Variants in LRRC55 observed in about 807,000 individuals in gnomAD.
LRRC55 encodes leucine-rich repeat-containing protein 55.
In LRRC55, 11 loss-of-function variants were observed where a neutral mutation model predicts 20.5. That is an observed-to-expected ratio of 0.54 (90% CI 0.34 to 0.89). LRRC55 has a LOEUF of 0.89. Ranked by LOEUF, LRRC55 falls within the 40% of genes least tolerant of loss-of-function variation. The probability of loss-of-function intolerance (pLI) is 0.02; values close to 1 mark genes in which losing one functional copy is unlikely to be tolerated. For synonymous variants in LRRC55, 188 were observed against 166.6 expected, an observed-to-expected ratio of 1.13 and a Z score of -0.99; for missense variants, 358 against 390.9, an observed-to-expected ratio of 0.92 and a Z score of 0.71.
At chr11:57,186,205 G>A (rs949459856) in intron 1 of LRRC55, among the ~76,000 whole-genome samples, 6 of 152,064 alleles carry the variant, frequency 3.9e-5, no homozygotes, top group Non-Finnish European at 7.4e-5. Context: ...AATAGCTCTG[G>A]AACCCATACT....
chr11:57,187,049 C>T (rs181753370), intron 1 of LRRC55, among the ~76,000 whole-genome samples, 196 bp from the exon 2 acceptor site: 55 of 152,348 alleles, frequency 3.6e-4, no homozygotes, highest in Non-Finnish European at 7.3e-4. Context: ...GTACTTTCCA[C>T]ATCTATAGAA....
chr11:57,182,241 C>T lies in LRRC55; in HGVS notation c.219C>T (p.Ala73=). The T allele has an allele frequency of 6.2e-7, 1 of 1,614,162 alleles. No homozygotes were observed. The highest frequency in any genetic ancestry group is 8.5e-7 in the Non-Finnish European group (1 of 1,180,022). ...TGGACACCCGAAACCTCAGCCTGGC[C>T]CACAACCGCATCACAGCAGTGCCGC... ...LPMDTRNLSL[A]HNRITAVPPG... Residue 73 remains alanine (A), a synonymous_variant, in exon 1 of 2, where the codon GCC becomes GCT. Transcript: ENST00000497933.
intron 1 of LRRC55, among the ~76,000 whole-genome samples, chr11:57,185,770 C>T (rs1170440448): frequency 6.6e-6 from 1 of 152,116 alleles, no homozygotes; most frequent in Non-Finnish European, 1.5e-5. Flanking sequence ...TGCACACTAC[C>T]TTTACTTCCC....
Position 57,187,922 on chromosome 11 carries a change from C to A in LRRC55, c.*442C>A. 1 of 260,518 alleles carries A rather than the reference C, an allele frequency of 3.8e-6. No individual in the cohort carries two copies. The highest frequency in any genetic ancestry group is 7.4e-6 in the Non-Finnish European group (1 of 134,294). 16.1% of individuals were successfully genotyped at this position (260,518 alleles called of 1,614,324 possible). A position where few individuals can be genotyped will look rare whatever the true frequency, so the allele number is the denominator to read the frequency against. On this transcript the variant is annotated 3_prime_UTR_variant, in exon 2 of 2. Coordinates refer to ENST00000497933, the MANE Select transcript of LRRC55 (RefSeq NM_001005210.4). The stretch of plus-strand genomic sequence containing the variant: ...AAGGGTGTCTGCACATGGCAGAGGC[C>A]AGAATATGCATAGTGTGCTGTGTTG...
chr11:57,187,097 GAA>G, intron 1 of LRRC55, 146 bp from the exon 2 acceptor site: 1 of 730,340 alleles, frequency 1.4e-6, no homozygotes, highest in East Asian at 2.6e-5. Flanking sequence ...GTTGTTGAGG[GAA>G]CTAAAGGAGT....
Position 57,182,053 on chromosome 11 carries a change from C to T in LRRC55, c.31C>T (p.Pro11Ser). The T allele has an allele frequency of 1.2e-6, 2 of 1,614,180 alleles. No homozygotes were observed. Among genetic ancestry groups the T allele is most frequent in the Non-Finnish European group, 1.7e-6 (2 of 1,180,014 alleles). The change falls in exon 1 of 2, where the codon CCC becomes TCC. Residue 11 changes from proline to serine, a missense_variant. Pro to Ser is a moderately conservative substitution (Grantham distance 74). Around this residue, in one of 3 missense-constraint regions of LRRC55, gnomAD observed 175 missense variants for 164.5 expected, o/e 1.06. Transcript: ENST00000497933. ...TGACACTTGGGCCCAGCTTCCCTGG[C>T]CCGGGCCACCCCACCCAGCAATGCT... Reference protein sequence around the residue: MGDTWAQLPWPGPPHPAMLLI... With the variant: MGDTWAQLPWSGPPHPAMLLI...
intron 1 of LRRC55, among the ~76,000 whole-genome samples, chr11:57,186,163 C>T (rs547882855): frequency 3.3e-5 from 5 of 152,178 alleles, no homozygotes; most frequent in African/African-American, 9.6e-5. Flanking sequence ...ATGCAACTAG[C>T]AAGGGGTGAA....
chr11:57,190,123 A>G lies in LRRC55; in HGVS notation c.*2643A>G, dbSNP rs964166279. ...TCCTGACAAAATAGAAAAGTTTCCC[A>G]TAGGGGCATACCATAATACTATAAT... On this transcript the variant is annotated 3_prime_UTR_variant, in exon 2 of 2. Transcript: ENST00000497933. 1 of 152,256 alleles carries G rather than the reference A, an allele frequency of 6.6e-6. No homozygotes were observed. Among genetic ancestry groups the G allele is most frequent in the African/African-American group, 2.4e-5 (1 of 41,468 alleles). 9.4% of individuals were successfully genotyped at this position (152,256 alleles called of 1,614,324 possible).
Position 57,182,197 on chromosome 11 carries a change from G to C in LRRC55, c.175G>C (p.Val59Leu). ...TTGTAGCAGCCAGCGGCTATTCTCC[G>C]TGCCCCCAGACCTGCCAATGGACAC... ...VDCSSQRLFSVPPDLPMDTRN... is the reference protein window; with the variant it reads ...VDCSSQRLFSLPPDLPMDTRN... Residue 59 changes from valine (V) to leucine (L), a missense_variant, in exon 1 of 2, where the codon GTG becomes CTG. Val to Leu is a conservative substitution (Grantham distance 32, BLOSUM62 1). Transcript: ENST00000497933. 6.2e-7 allele frequency: 1 copy of C among 1,614,120 alleles called. No homozygotes were observed. The highest frequency in any genetic ancestry group is 1.1e-5 in the South Asian group (1 of 91,076).
At position 57,188,662 on chromosome 11, in the gene LRRC55, A is replaced by C. The variant is rs1029562527; in HGVS notation, c.*1182A>C. The C allele has an allele frequency of 2.6e-5, 4 of 152,226 alleles. No individual in the cohort carries two copies. The highest frequency in any genetic ancestry group is 9.6e-5 in the African/African-American group (4 of 41,452). 9.4% of individuals were successfully genotyped at this position (152,226 alleles called of 1,614,324 possible). On this transcript the variant is annotated 3_prime_UTR_variant, in exon 2 of 2. Transcript: ENST00000497933. ...ACTAAGGCTCAGAGAGGTTAAAGTC[A>C]CATGCCACTATGAGCAAGATAAAGT...
rs1037565576 is a variant in LRRC55 at position 57,188,467 on chromosome 11, T to G, written c.*987T>G. 6.6e-5 allele frequency: 10 copies of G among 152,312 alleles called. No homozygotes were observed. Among genetic ancestry groups the G allele is most frequent in the Admixed American group, 1.3e-4 (2 of 15,280 alleles). The allele number at this position is 152,312 out of a possible 1,614,324, so 9.4% of individuals were successfully genotyped here. On this transcript the variant is annotated 3_prime_UTR_variant, in exon 2 of 2. Coordinates refer to ENST00000497933, the MANE Select transcript of LRRC55 (RefSeq NM_001005210.4). ...GACCATATGAGGCTTTGCATTTTCTTCTAAGCAACTTACCCACGTTAAGCA... is the reference window on the plus strand; with the variant it reads ...GACCATATGAGGCTTTGCATTTTCTGCTAAGCAACTTACCCACGTTAAGCA...
Position 57,182,047 on chromosome 11 carries a change from C to A in LRRC55, c.25C>A (p.Pro9Thr), listed in dbSNP as rs528637562. 2 of 1,614,198 alleles carry A rather than the reference C, an allele frequency of 1.2e-6. No homozygotes were observed. The highest frequency in any genetic ancestry group is 2.2e-5 in the South Asian group (2 of 91,076). The change falls in exon 1 of 2, where the codon CCC (proline) becomes ACC (threonine). Residue 9 changes from proline to threonine, a missense_variant. Physicochemically the swap from Pro to Thr is conservative, Grantham distance 38 (BLOSUM62 -1). This residue lies in a region of LRRC55 where 175 missense variants were observed against 164.5 expected (regional missense o/e 1.06). Coordinates refer to ENST00000497933, the MANE Select transcript of LRRC55 (RefSeq NM_001005210.4). ...GATGGGTGACACTTGGGCCCAGCTT[C>A]CCTGGCCCGGGCCACCCCACCCAGC... The part of the protein sequence containing the change: MGDTWAQL[P>T]WPGPPHPAML...
At chr11:57,184,349 G>A (rs1042429818) in intron 1 of LRRC55, among the ~76,000 whole-genome samples, 3 of 152,184 alleles carry the variant, frequency 2.0e-5, no homozygotes, top group African/African-American at 7.2e-5. Flanking sequence ...CTCTGAAGAA[G>A]CTCAGACTCC....
At position 57,187,297 on chromosome 11, in the gene LRRC55, C is replaced by T. The variant is rs140001064; in HGVS notation, c.714C>T (p.Leu238=). 278 of 1,614,174 alleles carry T rather than the reference C, an allele frequency of 1.7e-4. No individual in the cohort carries two copies. In the African/African-American group the frequency reaches 3.5e-3, roughly 20 times the overall value. The change falls in exon 2 of 2, where the codon CTC becomes CTT. Residue 238 remains leucine, a synonymous_variant. Coordinates refer to ENST00000497933, the MANE Select transcript of LRRC55 (RefSeq NM_001005210.4). The part of the protein sequence containing the change: ...RGPPEVEGAP[L]FSLTEESFKA... The stretch of plus-strand genomic sequence containing the variant: ...CTCCTGAAGTCGAGGGCGCCCCGCT[C>T]TTCTCACTCACTGAGGAGAGCTTCA...
Position 57,182,047 on chromosome 11 carries a change from C to T in LRRC55, c.25C>T (p.Pro9Ser), listed in dbSNP as rs528637562. 1 of 1,614,080 alleles carries T rather than the reference C, an allele frequency of 6.2e-7. No individual in the cohort carries two copies. The highest frequency in any genetic ancestry group is 8.5e-7 in the Non-Finnish European group (1 of 1,180,046). MGDTWAQL[P>S]WPGPPHPAML... The stretch of plus-strand genomic sequence containing the variant: ...GATGGGTGACACTTGGGCCCAGCTT[C>T]CCTGGCCCGGGCCACCCCACCCAGC... The change falls in exon 1 of 2, where the codon CCC becomes TCC. Residue 9 changes from proline to serine, a missense_variant. By Grantham distance (74) the Pro-to-Ser change is moderately conservative. Transcript: ENST00000497933.
chr11:57,182,094 C>T lies in LRRC55; in HGVS notation c.72C>T (p.Leu24=). ...PHPAMLLISL[L]LAAGLMHSDA... ...CAGCAATGCTGCTGATCTCCCTCCT[C>T]TTGGCAGCCGGGTTGATGCACTCGG... is the stretch of plus-strand genomic sequence containing the variant. Residue 24 remains leucine (L), a synonymous_variant, in exon 1 of 2, where the codon CTC becomes CTT. Transcript: ENST00000497933. 6.2e-7 allele frequency: 1 copy of T among 1,614,190 alleles called. No individual in the cohort carries two copies. The highest frequency in any genetic ancestry group is 8.5e-7 in the Non-Finnish European group (1 of 1,180,030).
rs116764976 is a variant in LRRC55, at chr11:57,182,601, C to T, written c.579C>T (p.Ile193=). The T allele has an allele frequency of 1.0e-3, 1,551 of 1,528,436 alleles. 10 individuals are homozygous for T. The African/African-American group carries it at 0.018, about 18-fold the overall frequency. 94.7% of individuals were successfully genotyped at this position (1,528,436 alleles called of 1,614,324 possible). A position where few individuals can be genotyped will look rare whatever the true frequency, so the allele number is the denominator to read the frequency against. The part of the protein sequence containing the change: ...EGLPGLVTLQ[I]GGNPWVCGCT... ...TACCGGGGCTGGTGACCCTGCAGATCGGTGGCAATCCCTGGGTGTGTGGCT... is the reference window on the plus strand; with the variant it reads ...TACCGGGGCTGGTGACCCTGCAGATTGGTGGCAATCCCTGGGTGTGTGGCT... The change falls in exon 1 of 2, where the codon ATC becomes ATT. Residue 193 remains isoleucine (I), a synonymous_variant. Coordinates refer to ENST00000497933, the MANE Select transcript of LRRC55 (RefSeq NM_001005210.4).
At chr11:57,184,996 G>A (rs376747629) in intron 1 of LRRC55, among the ~76,000 whole-genome samples, 1 of 152,182 alleles carries the variant, frequency 6.6e-6, no homozygotes, top group East Asian at 1.9e-4. Context: ...CAGGACGGGG[G>A]TCCTGTGCTC....
intron 1 of LRRC55, 28 bp from the exon 2 acceptor site, chr11:57,187,217 C>A (rs777597608): frequency 1.9e-6 from 3 of 1,601,434 alleles, no homozygotes; most frequent in South Asian, 2.2e-5. Flanking sequence ...CCCTGGGTAC[C>A]TCACCCTCCC....
Sources: allele counts gnomAD v4.1 joint callset (sites outside exome capture counted in the v4.1 genomes callset), GRCh38; gene constraint gnomAD v4.1.1; regional missense constraint gnomAD v4.1.1; transcripts MANE v1.5; gene names NCBI Gene and HGNC (gene_info 2026-07-23, HGNC 2026-07-21).